TENM4: variants seen among roughly 807,000 people sequenced by gnomAD.
TENM4 encodes the protein teneurin-4.
Under a neutral mutation model 243.3 loss-of-function variants are expected in TENM4, and 82 were observed. That is an observed-to-expected ratio of 0.34 (90% CI 0.28 to 0.40). The LOEUF is 0.40. Among genes scored for constraint, TENM4 ranks in the 10% least tolerant of loss-of-function variants. The pLI is 1.00. For missense variants in TENM4, 3,138 were observed against 3,673.3 expected (o/e 0.85, Z 3.77); for synonymous variants, 1,412 against 1,456.3 (o/e 0.97, Z 0.69).
intron 12 of TENM4, among the ~76,000 whole-genome samples, chr11:78,815,780 C>CAACAA (rs751570382): frequency 1.3e-4 from 20 of 152,214 alleles, no homozygotes; most frequent in African/African-American, 3.6e-4. Flanking sequence ...TCCTATTTTA[C>CAACAA]AACAAAACAA....
intron 23 of TENM4, among the ~76,000 whole-genome samples, chr11:78,723,263 C>T (rs1279549614): frequency 6.6e-6 from 1 of 152,262 alleles, no homozygotes; most frequent in Non-Finnish European, 1.5e-5. Flanking sequence ...TACACTGCCT[C>T]TCAGGTAGGT....
intron 7 of TENM4, among the ~76,000 whole-genome samples, chr11:78,896,862 C>T (rs1047503048): frequency 3.3e-5 from 5 of 152,126 alleles, no homozygotes; most frequent in African/African-American, 9.7e-5. Context: ...GCTTCAGATT[C>T]TTCATCTCTA....
At chr11:79,009,481 G>A (rs1030735617) in intron 6 of TENM4, among the ~76,000 whole-genome samples, 1 of 152,140 alleles carries the variant, frequency 6.6e-6, no homozygotes, top group African/African-American at 2.4e-5. Context: ...AAGTACACCT[G>A]CGACTAGAGT....
chr11:79,128,020 T>C (rs1431119390), intron 4 of TENM4, among the ~76,000 whole-genome samples: 1 of 152,150 alleles, frequency 6.6e-6, no homozygotes, highest in African/African-American at 2.4e-5. Flanking sequence ...CCCAAAAGGC[T>C]GCCAGTTTTG....
At chr11:79,437,823 CCTCCTTCT>C (rs973837675) in intron 1 of TENM4, among the ~76,000 whole-genome samples, 12 of 152,204 alleles carry the variant, frequency 7.9e-5, no homozygotes, top group African/African-American at 2.9e-4. Context: ...TCCGGGGCGC[CCTCCTTCT>C]TCCTGGATTC....
chr11:78,702,964 C>G (rs1033557186), intron 27 of TENM4, among the ~76,000 whole-genome samples: 1 of 152,180 alleles, frequency 6.6e-6, no homozygotes, highest in African/African-American at 2.4e-5. Flanking sequence ...TCTTTGAGTT[C>G]ATGGATTAAC....
chr11:78,924,201 C>A (rs1856507796), intron 6 of TENM4, among the ~76,000 whole-genome samples: 1 of 152,308 alleles, frequency 6.6e-6, no homozygotes, highest in Non-Finnish European at 1.5e-5. Flanking sequence ...TCTGTCTTGA[C>A]CATTCAGTGA....
intron 20 of TENM4, among the ~76,000 whole-genome samples, chr11:78,738,165 A>G (rs1855841793): frequency 6.6e-6 from 1 of 152,234 alleles, no homozygotes; most frequent in South Asian, 2.1e-4. Flanking sequence ...AGTGGTTCGC[A>G]TGACTGTTTT....
chr11:78,889,845 C>T lies in TENM4; in HGVS notation c.1024G>A (p.Ala342Thr), dbSNP rs781345515. 2.4e-5 allele frequency: 37 copies of T among 1,551,800 alleles called. No homozygotes were observed. Among genetic ancestry groups the T allele is most frequent in the South Asian group, 2.4e-4 (20 of 84,064 alleles). ...GAGATGACGATGGCGCTCAGGGCTG[C>T]GCACTTCCAGTTACAGTACTTGGAG... ...KPSKYCNWKC[A>T]ALSAIVISAT... The change falls in exon 9 of 34, where the codon GCA (alanine) becomes ACA (threonine). Residue 342 changes from alanine (A) to threonine (T), a missense_variant. Physicochemically the swap from Ala to Thr is moderately conservative, Grantham distance 58. Around this residue, in one of 2 missense-constraint regions of TENM4, gnomAD observed 671 missense variants for 614.1 expected, o/e 1.09. Coordinates refer to ENST00000278550, the MANE Select transcript of TENM4 (RefSeq NM_001098816.3).
At chr11:79,333,725 G>A (rs1477758918) in intron 1 of TENM4, among the ~76,000 whole-genome samples, 2 of 152,196 alleles carry the variant, frequency 1.3e-5, no homozygotes, top group Non-Finnish European at 1.5e-5. Flanking sequence ...TAATATCTAT[G>A]AAGCCAATTG....
Position 79,298,940 on chromosome 11 carries a change from C to T in TENM4, c.-320-1397G>A, listed in dbSNP as rs368768314. Among the ~76,000 whole-genome samples the T allele has an allele frequency of 1.3e-4, 20 of 152,228 alleles. 1 individual carries two copies. The East Asian group carries it at 2.7e-3, about 21-fold the overall frequency. On this transcript the variant is annotated intron_variant, in intron 1 of 33. Transcript: ENST00000278550. ...GCTCTCTATTTCTGCCCTTTCTCTC[C>T]TATGAAAAGCAACCTTGCAACTAAG... is the stretch of plus-strand genomic sequence containing the variant.
At chr11:79,073,229 A>C (rs140303129) in intron 4 of TENM4, among the ~76,000 whole-genome samples, 217 of 152,312 alleles carry the variant, frequency 1.4e-3, no homozygotes, top group African/African-American at 5.0e-3. Context: ...TTTGGGGTCA[A>C]TTCTGGCTTC....
chr11:78,760,545 T>C (rs1011560397), intron 18 of TENM4, among the ~76,000 whole-genome samples: 2 of 152,190 alleles, frequency 1.3e-5, no homozygotes, highest in Non-Finnish European at 2.9e-5. Context: ...GAGACAAACA[T>C]TTTCTAGAGA....
chr11:78,696,520 T>A (rs75826727), intron 28 of TENM4, among the ~76,000 whole-genome samples: 3,830 of 152,202 alleles, frequency 0.025, 67 homozygotes, highest in Non-Finnish European at 0.038. Context: ...TGGGTGTGAG[T>A]TTCCTTGTGC....
chr11:79,406,055 C>A (rs758506272), intron 1 of TENM4, among the ~76,000 whole-genome samples: 1 of 152,094 alleles, frequency 6.6e-6, no homozygotes, highest in Non-Finnish European at 1.5e-5. Context: ...CCAGCCTTAA[C>A]CACCGCACCA....
chr11:79,004,821 T>C (rs1473096144), intron 6 of TENM4, among the ~76,000 whole-genome samples: 7 of 151,996 alleles, frequency 4.6e-5, no homozygotes, highest in Admixed American at 3.3e-4. Flanking sequence ...AGTTGGTTTT[T>C]TGATACAAGT....
At position 78,729,579 on chromosome 11, in the gene TENM4, G is replaced by A. The variant is rs1476439950; in HGVS notation, c.3203C>T (p.Thr1068Ile). 1 of 1,613,924 alleles carries A rather than the reference G, an allele frequency of 6.2e-7. No homozygotes were observed. The highest frequency in any genetic ancestry group is 8.5e-7 in the Non-Finnish European group (1 of 1,179,864). Residue 1068 changes from threonine (T) to isoleucine (I), a missense_variant, in exon 22 of 34, where the codon ACC becomes ATC. Coordinates refer to ENST00000278550, the MANE Select transcript of TENM4 (RefSeq NM_001098816.3). ...CCTCAGGACAGATTTGTAGCCAGGG[G>A]TCCGGCTGCTCAGGTAGCTCAGCCT... ...KMRLSYLSSR[T>I]PGYKSVLRIS...
At chr11:79,341,591 G>A (rs913718422) in intron 1 of TENM4, among the ~76,000 whole-genome samples, 1 of 152,220 alleles carries the variant, frequency 6.6e-6, no homozygotes, top group African/African-American at 2.4e-5. Flanking sequence ...GTATGTAAGC[G>A]TTGGTCTCTT....
chr11:79,213,219 G>A (rs930753809), intron 3 of TENM4, among the ~76,000 whole-genome samples: 1 of 152,152 alleles, frequency 6.6e-6, no homozygotes, highest in African/African-American at 2.4e-5. Flanking sequence ...GGCTTGAATA[G>A]TAGCATGTAA....
Sources: gnomAD v4.1 joint callset for allele counts (sites outside exome capture counted in the v4.1 genomes callset) on GRCh38, gnomAD v4.1.1 for gene constraint, gnomAD v4.1.1 regional missense constraint, MANE v1.5 for transcripts, NCBI Gene and HGNC (gene_info 2026-07-23, HGNC 2026-07-21) for gene names.